Variants in ZNF804B observed in about 807,000 individuals in gnomAD.
ZNF804B encodes the protein zinc finger 804B.
A neutral mutation model predicts 101.4 loss-of-function variants in ZNF804B; 80 were observed. That is an observed-to-expected ratio of 0.79 (90% confidence interval 0.66 to 0.95). ZNF804B has a LOEUF of 0.95. Among genes scored for constraint, ZNF804B ranks in the 40% least tolerant of loss-of-function variants. The pLI is 0.00. For synonymous variants in ZNF804B, 622 were observed against 558.8 expected (o/e 1.11, Z -1.59); for missense variants, 1,673 against 1,561.9 (o/e 1.07, Z -1.20).
intron 1 of ZNF804B, among the ~76,000 whole-genome samples, chr7:88,979,851 A>AT (rs1303351455): frequency 6.6e-6 from 1 of 150,826 alleles, no homozygotes; most frequent in Admixed American, 6.6e-5. Flanking sequence ...TAACTCTTAA[A>AT]TTTGCCCTTT....
chr7:88,941,854 T>C (rs1793059735), intron 1 of ZNF804B, among the ~76,000 whole-genome samples: 1 of 151,898 alleles, frequency 6.6e-6, no homozygotes, highest in East Asian at 1.9e-4. Context: ...GTTGTGCCCA[T>C]TGACATTTCT....
chr7:89,323,773 A>G (rs1790855900), intron 2 of ZNF804B, among the ~76,000 whole-genome samples: 1 of 152,092 alleles, frequency 6.6e-6, no homozygotes, highest in South Asian at 2.1e-4. Context: ...AAATGTGTAA[A>G]GTAGCATTTT....
intron 2 of ZNF804B, among the ~76,000 whole-genome samples, chr7:89,222,980 T>G (rs1789029333): frequency 6.6e-6 from 1 of 152,068 alleles, no homozygotes; most frequent in Admixed American, 6.6e-5. Context: ...ATTACCTCAA[T>G]TTTGGATGAA....
At position 89,103,048 on chromosome 7, in the gene ZNF804B, G is replaced by GTTTTTTTTTTTTTTTTTTTTTTTTT. The variant is rs56693128; in HGVS notation, c.109-115096_109-115072dup. On this transcript the variant is annotated intron_variant, in intron 1 of 3. Transcript: ENST00000333190. ...TTCTATTCCATTGACCTATGTGTCT[G>GTTTTTTTTTTTTTTTTTTTTTTTTT]TTTTTTTTTTTTTTTTTTTTTTTTT... Among the ~76,000 whole-genome samples the GTTTTTTTTTTTTTTTTTTTTTTTTT allele has an allele frequency of 1.2e-4, 4 of 33,750 alleles. 1 individual carries two copies. Among genetic ancestry groups the GTTTTTTTTTTTTTTTTTTTTTTTTT allele is most frequent in the African/African-American group, 3.2e-4 (3 of 9,376 alleles). 22.1% of individuals were successfully genotyped at this position (33,750 alleles called of 152,430 possible). A position where few individuals can be genotyped will look rare whatever the true frequency, so the allele number is the denominator to read the frequency against.
intron 1 of ZNF804B, among the ~76,000 whole-genome samples, chr7:89,197,195 G>A (rs747098553): frequency 1.4e-4 from 21 of 151,846 alleles, no homozygotes; most frequent in Non-Finnish European, 2.1e-4. Flanking sequence ...TGCAGAGATA[G>A]CCCTGAACTT....
At chr7:88,948,888 C>T (rs549894689) in intron 1 of ZNF804B, among the ~76,000 whole-genome samples, 46 of 151,862 alleles carry the variant, frequency 3.0e-4, no homozygotes, top group East Asian at 2.2e-3. Context: ...TTTTCTAGTC[C>T]GCGATCACAG....
At chr7:88,981,733 C>G (rs1475330967) in intron 1 of ZNF804B, among the ~76,000 whole-genome samples, 1 of 151,994 alleles carries the variant, frequency 6.6e-6, no homozygotes, top group Non-Finnish European at 1.5e-5. Context: ...CACCTGAATT[C>G]TGCCCTCTAT....
At chr7:88,889,284 T>C (rs191925550) in intron 1 of ZNF804B, among the ~76,000 whole-genome samples, 65 of 152,248 alleles carry the variant, frequency 4.3e-4, no homozygotes, top group African/African-American at 1.5e-3. Flanking sequence ...GTAGAATGGC[T>C]TATTTTGGGG....
At chr7:89,071,700 A>C (rs985067709) in intron 1 of ZNF804B, among the ~76,000 whole-genome samples, 3 of 152,122 alleles carry the variant, frequency 2.0e-5, no homozygotes, top group Non-Finnish European at 4.4e-5. Flanking sequence ...AAAAGGAAAT[A>C]TGCTTCTCTA....
At chr7:89,013,180 C>T (rs1434064815) in intron 1 of ZNF804B, among the ~76,000 whole-genome samples, 1 of 152,132 alleles carries the variant, frequency 6.6e-6, no homozygotes, top group Non-Finnish European at 1.5e-5. Context: ...GGACACAGAG[C>T]CAAACCATAT....
intron 2 of ZNF804B, among the ~76,000 whole-genome samples, chr7:89,323,121 G>C (rs1306653830): frequency 6.6e-6 from 1 of 152,212 alleles, no homozygotes; most frequent in African/African-American, 2.4e-5. Context: ...GCCATGTGAG[G>C]ATATAACAAA....
intron 1 of ZNF804B, among the ~76,000 whole-genome samples, chr7:88,855,455 GT>G (rs1270925272): frequency 8.6e-5 from 13 of 151,734 alleles, no homozygotes; most frequent in Non-Finnish European, 1.8e-4. Flanking sequence ...GGGGTTGTTT[GT>G]TTTTTTCTTG....
intron 1 of ZNF804B, among the ~76,000 whole-genome samples, chr7:89,039,052 C>T (rs11767785): frequency 0.46 from 69,135 of 151,650 alleles, 16,348 homozygotes; most frequent in Non-Finnish European, 0.52. Context: ...GCCAATATCA[C>T]GACATTTTGA....
In ZNF804B at chr7:88,891,480, A is replaced by G. The variant is rs1002178768; in HGVS notation, c.108+131396A>G. 4.6e-5 allele frequency among the ~76,000 whole-genome samples: 7 copies of G among 152,248 alleles called. No homozygotes were observed. In the South Asian group the frequency reaches 1.2e-3, roughly 27 times the overall value. ...TTATGCATTATATGTCTATTAGACT[A>G]TCATGTAATTCACTGTAATCCAATC... On this transcript the variant is annotated intron_variant, in intron 1 of 3. Transcript: ENST00000333190.
At chr7:89,330,646 A>C (rs796388718) in intron 3 of ZNF804B, among the ~76,000 whole-genome samples, 40 of 151,694 alleles carry the variant, frequency 2.6e-4, no homozygotes, top group African/African-American at 9.6e-4. Context: ...ATTAAAATTT[A>C]TAAAGCAACA....
intron 1 of ZNF804B, among the ~76,000 whole-genome samples, chr7:88,974,932 A>C: frequency 6.6e-6 from 1 of 151,210 alleles, no homozygotes; most frequent in African/African-American, 2.4e-5. Flanking sequence ...CCACCCCCTG[A>C]CTTTTCCCAG....
chr7:88,891,381 A>T (rs1792211758), intron 1 of ZNF804B, among the ~76,000 whole-genome samples: 1 of 152,064 alleles, frequency 6.6e-6, no homozygotes, highest in South Asian at 2.1e-4. Flanking sequence ...GTCCAATAAT[A>T]ATAGCTATAT....
intron 1 of ZNF804B, among the ~76,000 whole-genome samples, chr7:88,780,310 C>T (rs1178151465): frequency 1.3e-5 from 2 of 150,936 alleles, no homozygotes; most frequent in East Asian, 3.9e-4. Context: ...ATATCTTCAG[C>T]AGTTAATTTG....
At chr7:89,027,390 C>A (rs1788766987) in intron 1 of ZNF804B, among the ~76,000 whole-genome samples, 1 of 152,112 alleles carries the variant, frequency 6.6e-6, no homozygotes, top group African/African-American at 2.4e-5. Context: ...AAGAGAATTT[C>A]TTCCATTGTA....
Sources: gnomAD v4.1 joint callset for allele counts (sites outside exome capture counted in the v4.1 genomes callset) on GRCh38, gnomAD v4.1.1 for gene constraint, MANE v1.5 for transcripts, NCBI Gene and HGNC (gene_info 2026-07-23, HGNC 2026-07-21) for gene names.